The following SRGAP1 variants were observed in gnomAD, a reference collection of about 807,000 sequenced individuals.
The protein encoded by SRGAP1 is SLIT-ROBO Rho GTPase-activating protein 1.
A neutral mutation model predicts 121.9 loss-of-function variants in SRGAP1; 43 were observed. The ratio of observed to expected loss-of-function variants is 0.35; its 90% CI spans 0.28 to 0.46. The LOEUF is 0.46. Among genes scored for constraint, SRGAP1 ranks in the 20% least tolerant of loss-of-function variants. The pLI, the probability that SRGAP1 is intolerant of heterozygous loss-of-function variation, is 1.00. For synonymous variants in SRGAP1, 447 were observed against 485.4 expected (o/e 0.92, Z 1.04); for missense variants, 1,102 against 1,350.9 (o/e 0.82, Z 2.89).
intron 1 of SRGAP1, among the ~76,000 whole-genome samples, chr12:63,886,620 CA>C (rs1759517550): frequency 6.6e-6 from 1 of 151,744 alleles, no homozygotes; most frequent in Non-Finnish European, 1.5e-5. Context: ...GCTGGGACTA[CA>C]GGTGTGCGCC....
chr12:64,033,622 G>A (rs940226923), intron 4 of SRGAP1, among the ~76,000 whole-genome samples: 8 of 152,192 alleles, frequency 5.3e-5, no homozygotes, highest in Non-Finnish European at 1.2e-4. Context: ...GGGGGCTGAG[G>A]CAGGAGAATC....
rs1488804798 is a variant in SRGAP1 at position 64,126,151 on chromosome 12, A to G, written c.2399A>G (p.Gln800Arg). Residue 800 changes from glutamine (Q) to arginine (R), a missense_variant, in exon 19 of 22, where the codon CAG (glutamine) becomes CGG (arginine). Physicochemically the swap from Gln to Arg is conservative, Grantham distance 43. Transcript: ENST00000355086. ...GLVPHQYIVV[Q>R]DMDDTFSDTL... ...GTGCCTCACCAGTATATAGTGGTGC[A>G]GGATATGTGAGTAGTCTCAACTTTG... is the stretch of plus-strand genomic sequence containing the variant. 1.1e-5 allele frequency: 17 copies of G among 1,611,558 alleles called. No homozygotes were observed. The highest frequency in any genetic ancestry group is 1.4e-5 in the Non-Finnish European group (16 of 1,178,058).
chr12:63,978,682 G>A (rs78277002), intron 1 of SRGAP1, among the ~76,000 whole-genome samples: 2 of 48,084 alleles, frequency 4.2e-5, no homozygotes, highest in Non-Finnish European at 8.3e-5. Context: ...GCAAGTTTTT[G>A]TATGGAAATA....
At chr12:64,021,044 A>G (rs537786931) in intron 4 of SRGAP1, among the ~76,000 whole-genome samples, 1 of 152,050 alleles carries the variant, frequency 6.6e-6, no homozygotes, top group African/African-American at 2.4e-5. Flanking sequence ...TGCATTGTTC[A>G]GTTAAACCCC....
At chr12:63,972,396 G>A (rs1280053417) in intron 1 of SRGAP1, among the ~76,000 whole-genome samples, 1 of 152,178 alleles carries the variant, frequency 6.6e-6, no homozygotes, top group African/African-American at 2.4e-5. Flanking sequence ...ATAAGATACT[G>A]TTTATAGGAG....
intron 3 of SRGAP1, among the ~76,000 whole-genome samples, chr12:64,014,751 A>G (rs1388337928): frequency 7.2e-6 from 1 of 138,622 alleles, no homozygotes; most frequent in African/African-American, 2.8e-5. Context: ...TCTTGAACAT[A>G]AGGGAATTTG....
intron 1 of SRGAP1, among the ~76,000 whole-genome samples, chr12:63,936,401 T>G (rs7976142): frequency 0.023 from 3,460 of 152,270 alleles, 113 homozygotes; most frequent in African/African-American, 0.078. Flanking sequence ...CCTTTCCAGT[T>G]ATCAGAAATT....
chr12:63,928,287 T>C (rs1436653661), intron 1 of SRGAP1, among the ~76,000 whole-genome samples: 1 of 152,204 alleles, frequency 6.6e-6, no homozygotes, highest in Non-Finnish European at 1.5e-5. Flanking sequence ...AAGTTAAATA[T>C]ATACCTACCC....
intron 3 of SRGAP1, among the ~76,000 whole-genome samples, chr12:64,004,943 T>C (rs754150685): frequency 1.3e-5 from 2 of 152,174 alleles, no homozygotes; most frequent in Admixed American, 1.3e-4. Flanking sequence ...AAATGCCATA[T>C]TGGGGGAGAT....
intron 3 of SRGAP1, among the ~76,000 whole-genome samples, chr12:63,994,641 A>G (rs2033643990): frequency 6.6e-6 from 1 of 152,196 alleles, no homozygotes; most frequent in Non-Finnish European, 1.5e-5. Flanking sequence ...CTAGATGTAG[A>G]CAATGTAAAC....
At chr12:64,018,642 T>C (rs73317389) in intron 4 of SRGAP1, among the ~76,000 whole-genome samples, 3,370 of 152,302 alleles carry the variant, frequency 0.022, 129 homozygotes, top group African/African-American at 0.075. Flanking sequence ...ATTTACTGCA[T>C]CTGTGCATAT....
chr12:63,906,767 A>G (rs1391456800), intron 1 of SRGAP1, among the ~76,000 whole-genome samples: 3 of 152,196 alleles, frequency 2.0e-5, no homozygotes, highest in Non-Finnish European at 2.9e-5. Flanking sequence ...GGGCTCCTTA[A>G]TATAAAAGAC....
chr12:63,929,591 T>TA (rs1423101462), intron 1 of SRGAP1, among the ~76,000 whole-genome samples: 28 of 150,040 alleles, frequency 1.9e-4, no homozygotes, highest in Admixed American at 1.3e-4. Flanking sequence ...TTTTTTTTTT[T>TA]AACTATGTTT....
intron 18 of SRGAP1, among the ~76,000 whole-genome samples, chr12:64,124,693 C>T: frequency 6.6e-6 from 1 of 152,158 alleles, no homozygotes; most frequent in East Asian, 1.9e-4. Context: ...TGAGTCTGTC[C>T]TCCTGTTTGC....
chr12:64,060,403 T>C (rs1054738295), intron 6 of SRGAP1, among the ~76,000 whole-genome samples: 3 of 151,760 alleles, frequency 2.0e-5, no homozygotes, highest in Non-Finnish European at 4.4e-5. Flanking sequence ...AGACAGTGTC[T>C]GACTATGTTA....
chr12:63,880,923 C>G (rs572265795), intron 1 of SRGAP1, among the ~76,000 whole-genome samples: 2 of 152,294 alleles, frequency 1.3e-5, no homozygotes, highest in South Asian at 4.1e-4. Context: ...CACCAGCCTT[C>G]CTTTATCTGC....
At chr12:64,083,509 C>T (rs536479346) in intron 10 of SRGAP1, among the ~76,000 whole-genome samples, 1 of 152,090 alleles carries the variant, frequency 6.6e-6, no homozygotes, top group Non-Finnish European at 1.5e-5. Flanking sequence ...TGTCAAAATT[C>T]AGAATTCCAA....
At chr12:63,976,907 T>C (rs934052825) in intron 1 of SRGAP1, among the ~76,000 whole-genome samples, 4 of 152,142 alleles carry the variant, frequency 2.6e-5, no homozygotes, top group Non-Finnish European at 5.9e-5. Context: ...ATTTGGTAAA[T>C]TGAATTAAGT....
chr12:64,002,659 G>A (rs983653259), intron 3 of SRGAP1, among the ~76,000 whole-genome samples: 24 of 152,182 alleles, frequency 1.6e-4, no homozygotes, highest in African/African-American at 5.5e-4. Context: ...TAGAATAGGA[G>A]CATTGTGTGA....
Sources: allele counts gnomAD v4.1 joint callset (sites outside exome capture counted in the v4.1 genomes callset), GRCh38; gene constraint gnomAD v4.1.1; transcripts MANE v1.5; gene names NCBI Gene and HGNC (gene_info 2026-07-23, HGNC 2026-07-21).